Variants in MCC observed in about 807,000 individuals in gnomAD.
MCC encodes colorectal mutant cancer protein.
Under a neutral mutation model 116.2 loss-of-function variants are expected in MCC, and 90 were observed. The ratio of observed to expected loss-of-function variants is 0.77; its 90% confidence interval spans 0.65 to 0.92. The LOEUF is 0.92. Among genes scored for constraint, MCC ranks in the 40% least tolerant of loss-of-function variants. MCC has a pLI of 0.00. For missense variants in MCC, 1,516 were observed against 1,312.2 expected (o/e 1.16, Z -2.40); for synonymous variants, 578 against 510.5 (o/e 1.13, Z -1.78).
chr5:113,413,157 G>C (rs1770041537), intron 1 of MCC, among the ~76,000 whole-genome samples: 1 of 152,096 alleles, frequency 6.6e-6, no homozygotes, highest in Non-Finnish European at 1.5e-5. Flanking sequence ...TTGATGTGCT[G>C]CTGGATTCGG....
chr5:113,265,788 C>T (rs1346430543), intron 3 of MCC, among the ~76,000 whole-genome samples: 1 of 152,120 alleles, frequency 6.6e-6, no homozygotes, highest in African/African-American at 2.4e-5. Flanking sequence ...ACCTCCCCTG[C>T]TTCAGAGACA....
intron 6 of MCC, among the ~76,000 whole-genome samples, chr5:113,115,103 CT>C (rs984411172): frequency 1.3e-5 from 2 of 152,152 alleles, no homozygotes; most frequent in African/African-American, 4.8e-5. Context: ...ATCCTCCCCC[CT>C]GAGACGCTAC....
At chr5:113,459,133 A>ATGTGTATGTGTG (rs762493058) in intron 1 of MCC, among the ~76,000 whole-genome samples, 62 of 68,352 alleles carry the variant, frequency 9.1e-4, no homozygotes, top group African/African-American at 3.5e-3. Flanking sequence ...GAGTAAGGAT[A>ATGTGTATGTGTG]TGTGTGTGTG....
intron 3 of MCC, among the ~76,000 whole-genome samples, chr5:113,158,202 A>AG (rs1201758907): frequency 2.0e-5 from 3 of 152,234 alleles, no homozygotes; most frequent in Admixed American, 6.5e-5. Flanking sequence ...ACTATGGGTA[A>AG]GGGGGGACTA....
intron 1 of MCC, among the ~76,000 whole-genome samples, chr5:113,465,105 T>G (rs997078552): frequency 1.3e-5 from 2 of 151,958 alleles, no homozygotes; most frequent in African/African-American, 2.4e-5. Flanking sequence ...ATTTTTTTTT[T>G]TGTGGGGCGG....
intron 3 of MCC, among the ~76,000 whole-genome samples, chr5:113,265,931 A>G (rs1051925279): frequency 3.9e-5 from 6 of 151,924 alleles, no homozygotes; most frequent in Admixed American, 2.0e-4. Context: ...TGAATAGACA[A>G]TACCTTAAAT....
At chr5:113,038,803 GAGAGGGGAAAGGA>G (rs528724785) in intron 17 of MCC, among the ~76,000 whole-genome samples, 87 of 152,308 alleles carry the variant, frequency 5.7e-4, no homozygotes, top group African/African-American at 2.0e-3. Flanking sequence ...TTATTCAGCA[GAGAGGGGAAAGGA>G]AGCCCTCTTC....
At chr5:113,374,154 A>C (rs576398137) in intron 2 of MCC, among the ~76,000 whole-genome samples, 1 of 151,898 alleles carries the variant, frequency 6.6e-6, no homozygotes, top group East Asian at 1.9e-4. Flanking sequence ...CGGCCTCCCA[A>C]AGGCTGCGGT....
intron 3 of MCC, among the ~76,000 whole-genome samples, chr5:113,225,966 G>A (rs1763718549): frequency 6.6e-6 from 1 of 152,212 alleles, no homozygotes; most frequent in South Asian, 2.1e-4. Flanking sequence ...TGAGGCCAGG[G>A]GTTCCAGACC....
rs1321288749 is a variant in MCC at position 113,082,985 on chromosome 5, G to A, written c.1659C>T (p.His553=). 2 of 1,614,008 alleles carry A rather than the reference G, an allele frequency of 1.2e-6. No homozygotes were observed. Among genetic ancestry groups the A allele is most frequent in the South Asian group, 2.2e-5 (2 of 91,024 alleles). Residue 553 remains histidine (H), a synonymous_variant, in exon 11 of 19, where the codon CAC becomes CAT. Transcript: ENST00000408903. ...AGCAGTCCTGAAGTGAGTGGGCCAG[G>A]TGTTCAGCCACACTGCTGGATACCT... ...SIGVSSSVAE[H]LAHSLQDCSN...
At chr5:113,139,283 T>C (rs1025092570) in intron 5 of MCC, among the ~76,000 whole-genome samples, 4 of 152,198 alleles carry the variant, frequency 2.6e-5, no homozygotes, top group Non-Finnish European at 5.9e-5. Context: ...CATTTCAACA[T>C]AATTTAATGC....
chr5:113,031,134 T>G (rs1465260247), intron 17 of MCC, among the ~76,000 whole-genome samples: 1 of 152,156 alleles, frequency 6.6e-6, no homozygotes, highest in Non-Finnish European at 1.5e-5. Context: ...AGAAAGGAAT[T>G]ACAACGTAAA....
chr5:113,048,164 G>A (rs977303655), intron 16 of MCC, among the ~76,000 whole-genome samples: 2 of 152,164 alleles, frequency 1.3e-5, no homozygotes, highest in South Asian at 2.1e-4. Flanking sequence ...TCAGACCTGT[G>A]AGACTTAAGG....
chr5:113,158,646 G>C (rs1188905025), intron 3 of MCC, among the ~76,000 whole-genome samples: 1 of 152,214 alleles, frequency 6.6e-6, no homozygotes, highest in East Asian at 1.9e-4. Context: ...AATGCTGTGA[G>C]ATATATGTTA....
chr5:113,037,343 T>C (rs1751391167), intron 17 of MCC, among the ~76,000 whole-genome samples: 1 of 152,204 alleles, frequency 6.6e-6, no homozygotes, highest in Non-Finnish European at 1.5e-5. Flanking sequence ...GGAGTCTCGC[T>C]GGCTTTTTCG....
chr5:113,415,440 G>A (rs545871881), intron 1 of MCC, among the ~76,000 whole-genome samples: 26 of 152,156 alleles, frequency 1.7e-4, no homozygotes, highest in African/African-American at 5.1e-4. Flanking sequence ...ACATAGTCCC[G>A]TATTTCTTGG....
chr5:113,280,831 G>T (rs748152419), intron 3 of MCC, among the ~76,000 whole-genome samples: 21 of 152,178 alleles, frequency 1.4e-4, no homozygotes, highest in Non-Finnish European at 2.4e-4. Flanking sequence ...GGCAGTCAAA[G>T]CCATGGGAAT....
intron 17 of MCC, among the ~76,000 whole-genome samples, chr5:113,032,019 C>T (rs958430739): frequency 1.7e-4 from 26 of 152,184 alleles, no homozygotes; most frequent in African/African-American, 6.3e-4. Flanking sequence ...GATGCAAAGA[C>T]GAGGCCAAAC....
At chr5:113,162,107 G>C (rs1297806026) in intron 3 of MCC, among the ~76,000 whole-genome samples, 1 of 150,670 alleles carries the variant, frequency 6.6e-6, no homozygotes, top group Non-Finnish European at 1.5e-5. Context: ...AGTGTGTTTA[G>C]ATAGAAAGAA....
Sources: allele counts gnomAD v4.1 joint callset (sites outside exome capture counted in the v4.1 genomes callset), GRCh38; gene constraint gnomAD v4.1.1; transcripts MANE v1.5; gene names NCBI Gene and HGNC (gene_info 2026-07-23, HGNC 2026-07-21).